Variants in CSMD3 observed in about 807,000 individuals in gnomAD.
CSMD3 encodes the protein CUB and Sushi multiple domains 3.
In CSMD3, 177 loss-of-function variants were observed where a neutral mutation model predicts 435.2. That is an observed-to-expected ratio of 0.41 (90% CI 0.36 to 0.46). CSMD3 has a LOEUF of 0.46. CSMD3 is among the 20% of genes least tolerant of loss of function. CSMD3 has a pLI of 0.34. For synonymous variants in CSMD3, 1,656 were observed against 1,520.5 expected (o/e 1.09, Z -2.07); for missense variants, 4,265 against 4,504.6 (o/e 0.95, Z 1.52).
At chr8:113,137,335 T>A (rs2091441636) in intron 4 of CSMD3, among the ~76,000 whole-genome samples, 1 of 151,764 alleles carries the variant, frequency 6.6e-6, no homozygotes, top group South Asian at 2.1e-4. Context: ...TATCCTGTTT[T>A]ATCACTTAAT....
At chr8:112,313,842 C>T (rs2130829362) in intron 49 of CSMD3, 64 bp downstream of exon 49, 1 of 1,313,528 alleles carries the variant, frequency 7.6e-7, no homozygotes. Context: ...TGTCTCTGCT[C>T]CTTAATCATA....
At chr8:112,597,422 G>A (rs1327526500) in intron 22 of CSMD3, among the ~76,000 whole-genome samples, 11 of 137,382 alleles carry the variant, frequency 8.0e-5, no homozygotes, top group East Asian at 6.4e-4. Context: ...ATTCACAGCC[G>A]AATTCTACCA....
intron 3 of CSMD3, among the ~76,000 whole-genome samples, chr8:113,258,218 G>C (rs1446764532): frequency 6.6e-6 from 1 of 152,130 alleles, no homozygotes; most frequent in African/African-American, 2.4e-5. Context: ...GGTGCTTATT[G>C]TATGTTTTGG....
intron 13 of CSMD3, among the ~76,000 whole-genome samples, chr8:112,728,055 G>T (rs1256769494): frequency 6.6e-6 from 1 of 151,794 alleles, no homozygotes. Flanking sequence ...TATCATAAAA[G>T]ACAAAAGGCA....
At chr8:113,035,118 C>A (rs2087285691) in intron 5 of CSMD3, among the ~76,000 whole-genome samples, 1 of 151,608 alleles carries the variant, frequency 6.6e-6, no homozygotes, top group Non-Finnish European at 1.5e-5. Context: ...ATGATAATGA[C>A]AAGAGCTCAA....
chr8:113,144,562 A>G (rs559634354), intron 4 of CSMD3, among the ~76,000 whole-genome samples: 2 of 151,658 alleles, frequency 1.3e-5, no homozygotes, highest in South Asian at 2.1e-4. Context: ...ATCTGCCGTT[A>G]ATTATGTTCA....
chr8:113,387,240 T>A (rs1037205324), intron 1 of CSMD3, among the ~76,000 whole-genome samples: 3 of 151,784 alleles, frequency 2.0e-5, no homozygotes, highest in African/African-American at 7.2e-5. Flanking sequence ...TTTAGTATAG[T>A]TACATCACAA....
intron 5 of CSMD3, among the ~76,000 whole-genome samples, chr8:113,086,038 C>T (rs1433789070): frequency 6.6e-6 from 1 of 151,936 alleles, no homozygotes; most frequent in Non-Finnish European, 1.5e-5. Flanking sequence ...GAGATGGAGG[C>T]CATACTGGCT....
At chr8:113,417,094 T>A (rs973316931) in intron 1 of CSMD3, among the ~76,000 whole-genome samples, 2 of 152,052 alleles carry the variant, frequency 1.3e-5, no homozygotes, top group Non-Finnish European at 2.9e-5. Flanking sequence ...GAAGAAACTT[T>A]AGACAGATAT....
At chr8:112,495,844 T>C (rs534161194) in intron 30 of CSMD3, among the ~76,000 whole-genome samples, 23 of 152,094 alleles carry the variant, frequency 1.5e-4, no homozygotes, top group African/African-American at 5.3e-4. Flanking sequence ...TATCAGAAGA[T>C]ATATTTTAGA....
At chr8:113,013,031 A>G (rs1166673629) in intron 6 of CSMD3, among the ~76,000 whole-genome samples, 1 of 152,094 alleles carries the variant, frequency 6.6e-6, no homozygotes, top group Non-Finnish European at 1.5e-5. Context: ...AAAATATATC[A>G]TTGAACATAT....
intron 1 of CSMD3, among the ~76,000 whole-genome samples, chr8:113,320,875 T>A (rs2093944846): frequency 1.3e-5 from 2 of 152,274 alleles, no homozygotes; most frequent in East Asian, 3.9e-4. Context: ...TCTTCATTTA[T>A]CTGTTTCCAC....
intron 10 of CSMD3, among the ~76,000 whole-genome samples, chr8:112,909,317 T>TA (rs1343956370): frequency 1.3e-5 from 2 of 151,520 alleles, no homozygotes; most frequent in African/African-American, 4.8e-5. Context: ...TGCCCCAAAC[T>TA]AAAAAAATAT....
chr8:112,774,526 C>T (rs1187799166), intron 13 of CSMD3, among the ~76,000 whole-genome samples: 1 of 151,970 alleles, frequency 6.6e-6, no homozygotes, highest in African/African-American at 2.4e-5. Flanking sequence ...TCGAAATCTA[C>T]TTTATTTTTC....
At chr8:113,305,687 A>T (rs1284766354) in intron 2 of CSMD3, among the ~76,000 whole-genome samples, 4 of 152,206 alleles carry the variant, frequency 2.6e-5, no homozygotes, top group Non-Finnish European at 5.9e-5. Flanking sequence ...CCTTAGTCAG[A>T]TTTGAAAGAG....
intron 20 of CSMD3, 144 bp from the exon 21 acceptor site, chr8:112,639,055 T>TA: frequency 1.6e-6 from 1 of 624,176 alleles, no homozygotes; most frequent in Non-Finnish European, 2.8e-6. Flanking sequence ...ATTCCAAATA[T>TA]ATGTTATATT....
chr8:113,396,984 A>G (rs2094486471), intron 1 of CSMD3, among the ~76,000 whole-genome samples: 1 of 152,180 alleles, frequency 6.6e-6, no homozygotes, highest in South Asian at 2.1e-4. Flanking sequence ...GTTGAAGTTG[A>G]AAGAATATTT....
intron 3 of CSMD3, among the ~76,000 whole-genome samples, chr8:113,178,344 C>G (rs2092377046): frequency 6.6e-6 from 1 of 151,856 alleles, no homozygotes; most frequent in South Asian, 2.1e-4. Flanking sequence ...AACTCAAAAG[C>G]CTTAGATCAT....
chr8:112,784,343 A>G (rs542915302), intron 13 of CSMD3, among the ~76,000 whole-genome samples: 2 of 152,154 alleles, frequency 1.3e-5, no homozygotes, highest in South Asian at 2.1e-4. Flanking sequence ...AAAAACTTCA[A>G]ATAAACAATC....
Sources: gnomAD v4.1 joint callset for allele counts (sites outside exome capture counted in the v4.1 genomes callset) on GRCh38, gnomAD v4.1.1 for gene constraint, MANE v1.5 for transcripts, NCBI Gene and HGNC (gene_info 2026-07-23, HGNC 2026-07-21) for gene names.